LTBP1: variants seen among roughly 807,000 people sequenced by gnomAD.
LTBP1 encodes latent-transforming growth factor beta-binding protein 1.
In LTBP1, 129 loss-of-function variants were observed where a neutral mutation model predicts 207.6. The ratio of observed to expected loss-of-function variants is 0.62; its 90% confidence interval spans 0.54 to 0.72. The LOEUF (loss-of-function observed/expected upper bound fraction) is 0.72. Ranked by LOEUF, LTBP1 falls within the 30% of genes least tolerant of loss-of-function variation. The pLI, the probability that LTBP1 is intolerant of heterozygous loss-of-function variation, is 0.00. For missense variants in LTBP1, 2,281 were observed against 2,217.2 expected, an observed-to-expected ratio of 1.03 and a Z score of -0.58; for synonymous variants, 963 against 833.7, an observed-to-expected ratio of 1.16 and a Z score of -2.67.
chr2:32,998,467 G>A (rs952726102), intron 2 of LTBP1, among the ~76,000 whole-genome samples: 1 of 117,890 alleles, frequency 8.5e-6, no homozygotes, highest in Non-Finnish European at 1.6e-5. Flanking sequence ...AATGAGCCAA[G>A]ATCGCCACTG....
chr2:33,123,338 A>G (rs914970963), intron 4 of LTBP1, among the ~76,000 whole-genome samples: 1 of 151,998 alleles, frequency 6.6e-6, no homozygotes, highest in Non-Finnish European at 1.5e-5. Flanking sequence ...GTGGATTGGG[A>G]AACCTTTTCA....
At chr2:33,077,167 A>G (rs1192516941) in intron 3 of LTBP1, among the ~76,000 whole-genome samples, 2 of 152,202 alleles carry the variant, frequency 1.3e-5, no homozygotes, top group Non-Finnish European at 2.9e-5. Flanking sequence ...CACACTGACA[A>G]CCTGGGCAGT....
At chr2:33,188,531 TGTTA>T in intron 6 of LTBP1, 42 bp from the exon 7 acceptor site, 1 of 1,497,394 alleles carries the variant, frequency 6.7e-7, no homozygotes, top group Non-Finnish European at 9.1e-7. Flanking sequence ...TTGATTTGCC[TGTTA>T]GTTATTCAGG....
rs1434897013 is a variant in LTBP1, at chr2:33,275,803, G to T, written c.2872G>T (p.Val958Phe). The change falls in exon 18 of 34, where the codon GTT (valine) becomes TTT (phenylalanine). Residue 958 changes from valine to phenylalanine, a missense_variant and splice_region_variant. Val to Phe is a conservative substitution (Grantham distance 50, BLOSUM62 -1). Coordinates refer to ENST00000404816, the MANE Select transcript of LTBP1 (RefSeq NM_206943.4). Reference sequence around the variant, plus strand: ...ACAATGCTATCTGCTCTTCGTAGATGTTGACGAATGCCTGAGGCCGGACGT... The same window carrying T: ...ACAATGCTATCTGCTCTTCGTAGATTTTGACGAATGCCTGAGGCCGGACGT... ...ASEEGTNCID[V>F]DECLRPDVCG... The T allele has an allele frequency of 1.9e-6, 3 of 1,613,924 alleles. No individual in the cohort carries two copies. Among genetic ancestry groups the T allele is most frequent in the East Asian group, 4.5e-5 (2 of 44,892 alleles).
intron 7 of LTBP1, among the ~76,000 whole-genome samples, chr2:33,213,423 G>A (rs1046519369): frequency 2.0e-5 from 3 of 152,142 alleles, no homozygotes; most frequent in Non-Finnish European, 2.9e-5. Flanking sequence ...TATAGTTAGC[G>A]TGAGCCTATA....
intron 26 of LTBP1, among the ~76,000 whole-genome samples, chr2:33,357,314 T>C (rs532290727): frequency 3.3e-5 from 5 of 152,280 alleles, no homozygotes; most frequent in African/African-American, 9.6e-5. Flanking sequence ...ATTGCACTAT[T>C]TGTGGCCTTG....
In LTBP1 at chr2:33,150,707, TTTC is replaced by T. The variant is rs1291757631; in HGVS notation, c.1201+15750_1201+15752del. On this transcript the variant is annotated intron_variant, in intron 5 of 33. Transcript: ENST00000404816. ...TTTCTTTTCTTTTTTCTTTTTTCTT[TTTC>T]TTTTTTTTTTTTTTTTTTTTTTTTT... Among the ~76,000 whole-genome samples, 128 of 134,340 alleles carry T rather than the reference TTTC, an allele frequency of 9.5e-4. 4 individuals are homozygous for T. Among genetic ancestry groups the T allele is most frequent in the African/African-American group, 3.3e-3 (120 of 36,512 alleles). 88.1% of individuals were successfully genotyped at this position (134,340 alleles called of 152,430 possible). A position where few individuals can be genotyped will look rare whatever the true frequency, so the allele number is the denominator to read the frequency against.
intron 25 of LTBP1, among the ~76,000 whole-genome samples, chr2:33,343,410 C>CAAA (rs60879811): frequency 0.13 from 12,166 of 96,948 alleles, 664 homozygotes; most frequent in Middle Eastern, 0.17. Flanking sequence ...GACCCTGTCT[C>CAAA]AAAAAAAAAA....
At chr2:33,232,145 C>T (rs925095130) in intron 9 of LTBP1, among the ~76,000 whole-genome samples, 1 of 152,084 alleles carries the variant, frequency 6.6e-6, no homozygotes, top group African/African-American at 2.4e-5. Flanking sequence ...GGAGGGTATT[C>T]TTGCTGAAGG....
chr2:32,952,503 A>G (rs1336122279), intron 2 of LTBP1, among the ~76,000 whole-genome samples: 3 of 152,238 alleles, frequency 2.0e-5, no homozygotes, highest in Non-Finnish European at 4.4e-5. Flanking sequence ...TGGACAAAAG[A>G]GATGGAGAGA....
intron 3 of LTBP1, among the ~76,000 whole-genome samples, chr2:33,073,147 A>C (rs946925383): frequency 4.6e-5 from 7 of 152,188 alleles, no homozygotes; most frequent in African/African-American, 1.4e-4. Flanking sequence ...TGGTTTGAGG[A>C]GTGAATAGGA....
intron 26 of LTBP1, among the ~76,000 whole-genome samples, chr2:33,347,954 C>T (rs1029537727): frequency 5.3e-5 from 8 of 152,320 alleles, no homozygotes; most frequent in Admixed American, 2.6e-4. Flanking sequence ...AAGACTTCCA[C>T]TTGGAATTCT....
chr2:33,197,593 T>A (rs1301784884), intron 7 of LTBP1, among the ~76,000 whole-genome samples: 1 of 152,228 alleles, frequency 6.6e-6, no homozygotes, highest in East Asian at 1.9e-4. Context: ...TGTTTTTAAA[T>A]TGGATCTCTT....
intron 4 of LTBP1, among the ~76,000 whole-genome samples, chr2:33,111,634 T>C (rs2080408691): frequency 6.6e-6 from 1 of 152,186 alleles, no homozygotes; most frequent in Admixed American, 6.6e-5. Context: ...CTACACCCAC[T>C]CCACCTCCCC....
chr2:33,318,249 A>G (rs1374005497), intron 24 of LTBP1, among the ~76,000 whole-genome samples: 2 of 152,350 alleles, frequency 1.3e-5, no homozygotes, highest in East Asian at 3.9e-4. Flanking sequence ...GAGAGGAAGG[A>G]GAAACACCGT....
intron 32 of LTBP1, among the ~76,000 whole-genome samples, chr2:33,392,841 G>T (rs949105150): frequency 6.6e-6 from 1 of 151,226 alleles, no homozygotes; most frequent in Non-Finnish European, 1.5e-5. Context: ...TCTTTATTTT[G>T]TGTGTTTCTT....
chr2:33,057,939 A>G (rs1030149368), intron 3 of LTBP1, among the ~76,000 whole-genome samples: 1 of 152,232 alleles, frequency 6.6e-6, no homozygotes, highest in East Asian at 1.9e-4. Context: ...GGCCGAGGAG[A>G]CGCCAAGAGC....
intron 9 of LTBP1, among the ~76,000 whole-genome samples, chr2:33,233,908 A>G (rs1268446392): frequency 6.6e-6 from 1 of 151,800 alleles, no homozygotes; most frequent in Non-Finnish European, 1.5e-5. Flanking sequence ...CAGTGGAGCC[A>G]TTGTGTTAAG....
At chr2:33,353,126 G>C (rs1184227250) in intron 26 of LTBP1, among the ~76,000 whole-genome samples, 2 of 151,868 alleles carry the variant, frequency 1.3e-5, no homozygotes, top group African/African-American at 4.8e-5. Context: ...TTACAGGCCT[G>C]TGCCACCATG....
Sources: allele counts gnomAD v4.1 joint callset (sites outside exome capture counted in the v4.1 genomes callset), GRCh38; gene constraint gnomAD v4.1.1; transcripts MANE v1.5; gene names NCBI Gene and HGNC (gene_info 2026-07-23, HGNC 2026-07-21).